Variants in CUX1 observed in about 807,000 individuals in gnomAD.
CUX1 encodes the protein protein CASP.
Under a neutral mutation model 158.8 loss-of-function variants are expected in CUX1, and 31 were observed. That is an observed-to-expected ratio of 0.20 (90% CI 0.15 to 0.26). The LOEUF (loss-of-function observed/expected upper bound fraction) is 0.26, where lower values mean the gene tolerates loss of function less well. Among genes scored for constraint, CUX1 ranks in the 10% least tolerant of loss-of-function variants. The pLI, the probability that CUX1 is intolerant of heterozygous loss-of-function variation, is 1.00. For synonymous variants in CUX1, 879 were observed against 862.1 expected (o/e 1.02, Z -0.34); for missense variants, 1,589 against 2,014.6 (o/e 0.79, Z 4.04).
At chr7:101,876,342 CA>C (rs991247362) in intron 1 of CUX1, among the ~76,000 whole-genome samples, 93 of 52,814 alleles carry the variant, frequency 1.8e-3, no homozygotes, top group Admixed American at 6.8e-3. Context: ...AAAAAAAAAA[CA>C]AAAAAAAAAC....
chr7:102,185,927 T>G (rs371898461), intron 11 of CUX1, among the ~76,000 whole-genome samples: 3 of 152,210 alleles, frequency 2.0e-5, no homozygotes, highest in African/African-American at 7.2e-5. Context: ...GCAAAAGTTT[T>G]GCAATCATGA....
Position 101,887,855 on chromosome 7 carries a change from T to C in CUX1, c.31-28260T>C, listed in dbSNP as rs1051996114. Among the ~76,000 whole-genome samples the C allele has an allele frequency of 5.3e-5, 8 of 151,768 alleles. No homozygotes were observed. The South Asian group carries it at 1.3e-3, about 24-fold the overall frequency. ...TGATGACGGTGACATTTTTTTTTTT[T>C]TTTTTTTTTGTTTAGAAGCTTATGA... On this transcript the variant is annotated intron_variant, in intron 1 of 23. Coordinates refer to ENST00000292535, the MANE Select transcript of CUX1 (RefSeq NM_181552.4).
rs1365446230 is a variant in CUX1, at chr7:102,253,662, T to C, written c.*4620T>C. The C allele has an allele frequency of 2.0e-6, 2 of 983,528 alleles. No individual in the cohort carries two copies. Among genetic ancestry groups the C allele is most frequent in the Middle Eastern group, 1.0e-3 (2 of 1,928 alleles). The allele number at this position is 983,528 out of a possible 1,614,324, so 60.9% of individuals were successfully genotyped here. ...ACACAAAAGCAGAGAGATTTTGAACTGAGGGGCGACAGCCTTTGCCTTAAA... is the reference window on the plus strand; with the variant it reads ...ACACAAAAGCAGAGAGATTTTGAACCGAGGGGCGACAGCCTTTGCCTTAAA... On this transcript the variant is annotated 3_prime_UTR_variant, in exon 24 of 24. Coordinates refer to ENST00000292535, the MANE Select transcript of CUX1 (RefSeq NM_181552.4).
intron 20 of CUX1, among the ~76,000 whole-genome samples, chr7:102,220,957 C>T (rs1022407231): frequency 6.6e-6 from 1 of 152,140 alleles, no homozygotes; most frequent in East Asian, 1.9e-4. Context: ...GCGATCTGCC[C>T]ACCTCGGCCT....
intron 18 of CUX1, among the ~76,000 whole-genome samples, chr7:102,204,060 CACCT>C (rs1485685077): frequency 2.0e-5 from 3 of 152,204 alleles, no homozygotes; most frequent in Admixed American, 2.0e-4. Context: ...TGCTTGTACA[CACCT>C]CCTCCGCGGG....
chr7:102,190,881 TC>T lies in CUX1; in HGVS notation c.1076+1012del, dbSNP rs1794199178. On this transcript the variant is annotated intron_variant, in intron 12 of 23. Coordinates refer to ENST00000292535, the MANE Select transcript of CUX1 (RefSeq NM_181552.4). Reference sequence around the variant, plus strand: ...CCTTGAGTCCCTTCCTTCCTGCCCCTCCTGCTGTCCCATCAGCCCCTTTCTC... The same window carrying T: ...CCTTGAGTCCCTTCCTTCCTGCCCCTCTGCTGTCCCATCAGCCCCTTTCTC... Among the ~76,000 whole-genome samples, 3 of 152,230 alleles carry T rather than the reference TC, an allele frequency of 2.0e-5. No individual in the cohort carries two copies. The East Asian group carries it at 5.8e-4, about 29-fold the overall frequency.
intron 5 of CUX1, among the ~76,000 whole-genome samples, chr7:102,101,816 G>T (rs938227231): frequency 3.9e-5 from 6 of 152,054 alleles, no homozygotes; most frequent in Non-Finnish European, 8.8e-5. Flanking sequence ...GGAGACTGAG[G>T]CACGAGAATT....
intron 10 of CUX1, 150 bp from the exon 11 acceptor site, chr7:102,178,319 G>C: frequency 1.4e-6 from 1 of 736,058 alleles, no homozygotes; most frequent in South Asian, 2.0e-5. Context: ...TTGCATAGGG[G>C]AAGTGCAAGC....
At chr7:102,029,709 G>A (rs1319660773) in intron 3 of CUX1, among the ~76,000 whole-genome samples, 3 of 152,126 alleles carry the variant, frequency 2.0e-5, no homozygotes, top group Non-Finnish European at 1.5e-5. Flanking sequence ...CCCCATGCAC[G>A]TAGCTTGGTC....
chr7:101,984,109 TATATATATATATATATATATACACACAC>T (rs1225592869), intron 2 of CUX1, among the ~76,000 whole-genome samples: 2 of 39,944 alleles, frequency 5.0e-5, no homozygotes, highest in Non-Finnish European at 1.1e-4. Context: ...TATATATATA[TATATATATATATATATATATACACACAC>T]ACATATATAT....
intron 2 of CUX1, among the ~76,000 whole-genome samples, chr7:101,972,563 T>G (rs573189730): frequency 2.0e-5 from 3 of 152,334 alleles, no homozygotes; most frequent in South Asian, 2.1e-4. Flanking sequence ...CCCTGACCAC[T>G]GGACACATCT....
chr7:102,248,766 C>A lies in CUX1; in HGVS notation c.4242C>A (p.Pro1414=). 1.9e-6 allele frequency: 2 copies of A among 1,036,446 alleles called. No homozygotes were observed. The highest frequency in any genetic ancestry group is 4.1e-5 in the South Asian group (1 of 24,276). 64.2% of individuals were successfully genotyped at this position (1,036,446 alleles called of 1,614,324 possible). ...SPASATATAA[P]AAPEDAATSA... Reference sequence around the variant, plus strand: ...CCTCCGCGACCGCCACCGCCGCGCCCGCGGCCCCCGAGGACGCCGCTACCT... The same window carrying A: ...CCTCCGCGACCGCCACCGCCGCGCCAGCGGCCCCCGAGGACGCCGCTACCT... Residue 1414 remains proline, a synonymous_variant, in exon 24 of 24, where the codon CCC becomes CCA. Transcript: ENST00000292535. This position sits in a 1 kb window ranked among gnomAD's most constrained non-coding sequence, Gnocchi z 5.8.
intron 1 of CUX1, among the ~76,000 whole-genome samples, chr7:101,899,014 C>G (rs543581514): frequency 6.6e-6 from 1 of 152,238 alleles, no homozygotes; most frequent in Non-Finnish European, 1.5e-5. Flanking sequence ...GCATGGCTGC[C>G]TGTGGCTTCT....
chr7:101,837,828 C>CAAAAAAAAAAAAAAAAAAAAAAAAAAA, intron 1 of CUX1, among the ~76,000 whole-genome samples: 1 of 44,372 alleles, frequency 2.3e-5, no homozygotes, highest in Non-Finnish European at 3.8e-5. Context: ...GAGACCCTGT[C>CAAAAAAAAAAAAAAAAAAAAAAAAAAA]AAAAAAAAAA....
intron 5 of CUX1, among the ~76,000 whole-genome samples, chr7:102,101,923 A>AT (rs1359351436): frequency 6.6e-6 from 1 of 152,138 alleles, no homozygotes; most frequent in East Asian, 1.9e-4. Flanking sequence ...ATAAAAAAAA[A>AT]AAAAAAGACA....
intron 1 of CUX1, among the ~76,000 whole-genome samples, chr7:101,903,821 G>A (rs940010763): frequency 5.9e-5 from 9 of 151,970 alleles, no homozygotes; most frequent in Non-Finnish European, 1.2e-4. Context: ...GGTTTGTGAC[G>A]GGGTGAAAAA....
intron 1 of CUX1, among the ~76,000 whole-genome samples, chr7:101,876,678 A>G (rs1324429382): frequency 1.3e-5 from 2 of 152,102 alleles, no homozygotes; most frequent in African/African-American, 4.8e-5. Context: ...CTGGCAACAT[A>G]GCAAAACTCC....
chr7:102,211,912 G>A (rs1053246841), intron 20 of CUX1, among the ~76,000 whole-genome samples: 2 of 152,188 alleles, frequency 1.3e-5, no homozygotes, highest in East Asian at 1.9e-4. Flanking sequence ...GGGAAGTCCC[G>A]GCTGATGAGA....
intron 1 of CUX1, among the ~76,000 whole-genome samples, chr7:101,898,204 T>C (rs945628927): frequency 1.3e-5 from 2 of 152,150 alleles, no homozygotes; most frequent in Non-Finnish European, 2.9e-5. Context: ...GGTAACTGGA[T>C]CTAAGTCTCA....
Sources: gnomAD v4.1 joint callset for allele counts (sites outside exome capture counted in the v4.1 genomes callset) on GRCh38, gnomAD v4.1.1 for gene constraint, Gnocchi (gnomAD v3.1) non-coding constraint, MANE v1.5 for transcripts, NCBI Gene and HGNC (gene_info 2026-07-23, HGNC 2026-07-21) for gene names.